CNTN1: variants seen among roughly 807,000 people sequenced by gnomAD.
CNTN1 encodes the protein contactin-1.
Under a neutral mutation model 126.4 loss-of-function variants are expected in CNTN1, and 38 were observed. The observed-to-expected ratio is 0.30, with a 90% CI of 0.23 to 0.39. The LOEUF is 0.39. CNTN1 is among the 10% of genes least tolerant of loss of function. The pLI, the probability that CNTN1 is intolerant of heterozygous loss-of-function variation, is 1.00. For missense variants in CNTN1, 1,009 were observed against 1,248.4 expected, an observed-to-expected ratio of 0.81 and a Z score of 2.89; for synonymous variants, 413 against 422.6, an observed-to-expected ratio of 0.98 and a Z score of 0.28.
In CNTN1 at chr12:41,044,754, G is replaced by A. The variant is rs917384553; in HGVS notation, c.2980+15535G>A. 2.0e-5 allele frequency among the ~76,000 whole-genome samples: 3 copies of A among 152,160 alleles called. No individual in the cohort carries two copies. The East Asian group carries it at 5.8e-4, about 29-fold the overall frequency. On this transcript the variant is annotated intron_variant, in intron 23 of 23. Transcript: ENST00000551295. ...GAAATTAAAGAAATTAATCATTTTT[G>A]GAGAATGTAATTATAGTGAAGAATT...
chr12:40,910,229 A>G, intron 3 of CNTN1, 124 bp downstream of exon 3: 1 of 733,980 alleles, frequency 1.4e-6, no homozygotes, highest in Non-Finnish European at 2.3e-6. Flanking sequence ...TCACTATGAA[A>G]TTTTGTAAGG....
At position 41,029,149 on chromosome 12, in the gene CNTN1, A is replaced by G. The variant is rs151317975; in HGVS notation, c.2910A>G (p.Gly970=). 1 of 1,614,112 alleles carries G rather than the reference A, an allele frequency of 6.2e-7. No homozygotes were observed. The highest frequency in any genetic ancestry group is 2.2e-5 in the East Asian group (1 of 44,872). Residue 970 remains glycine, a synonymous_variant, in exon 23 of 24, where the codon GGA becomes GGG. Transcript: ENST00000551295. ...TAGAAGTCCCAATCCCCAGAGATGG[A>G]GAATACGTTGTGGAGGTTCGCGCGC... ...HSIEVPIPRD[G]EYVVEVRAHS... is the part of the protein sequence containing the mutation.
intron 16 of CNTN1, among the ~76,000 whole-genome samples, chr12:40,981,607 T>C (rs1344262163): frequency 6.6e-6 from 1 of 152,120 alleles, no homozygotes; most frequent in Non-Finnish European, 1.5e-5. Context: ...TTTCTTTTCT[T>C]ATATTAAGAT....
chr12:41,045,135 T>A (rs1949512824), intron 23 of CNTN1, among the ~76,000 whole-genome samples: 1 of 152,054 alleles, frequency 6.6e-6, no homozygotes, highest in Non-Finnish European at 1.5e-5. Flanking sequence ...ATTGAAAACA[T>A]CCTGTTCCTA....
At chr12:40,786,236 T>C (rs1458928990) in intron 1 of CNTN1, among the ~76,000 whole-genome samples, 1 of 152,186 alleles carries the variant, frequency 6.6e-6, no homozygotes, top group African/African-American at 2.4e-5. Context: ...CTTGTGCTGC[T>C]CTAGGTTGAA....
intron 23 of CNTN1, among the ~76,000 whole-genome samples, chr12:41,044,303 T>C (rs1187158979): frequency 6.6e-6 from 1 of 152,058 alleles, no homozygotes; most frequent in African/African-American, 2.4e-5. Context: ...ATTAAAACAA[T>C]TTATGATGCT....
chr12:40,724,887 G>A (rs1338107838), intron 1 of CNTN1, among the ~76,000 whole-genome samples: 1 of 152,128 alleles, frequency 6.6e-6, no homozygotes, highest in African/African-American at 2.4e-5. Flanking sequence ...TTTAAAACCT[G>A]AAAGAAAATA....
intron 1 of CNTN1, among the ~76,000 whole-genome samples, chr12:40,844,090 C>T (rs184095057): frequency 0.027 from 702 of 26,350 alleles, 9 homozygotes; most frequent in African/African-American, 0.06. Context: ...TTTTTTGAGA[C>T]GGAGTCTCAC....
chr12:41,041,154 T>G (rs368277700), intron 23 of CNTN1, among the ~76,000 whole-genome samples: 3 of 151,610 alleles, frequency 2.0e-5, no homozygotes, highest in African/African-American at 4.9e-5. Context: ...AAGGCCTTTT[T>G]TGCATCTATT....
chr12:40,771,070 T>C (rs1159959349), intron 1 of CNTN1, among the ~76,000 whole-genome samples: 7 of 152,106 alleles, frequency 4.6e-5, no homozygotes, highest in Non-Finnish European at 1.0e-4. Flanking sequence ...TCTGTCCATG[T>C]ACTAAAGAAG....
chr12:40,749,003 T>C (rs1412029075), intron 1 of CNTN1, among the ~76,000 whole-genome samples: 1 of 152,112 alleles, frequency 6.6e-6, no homozygotes, highest in African/African-American at 2.4e-5. Flanking sequence ...CCTGGTTTTA[T>C]ACCACAGTAT....
intron 15 of CNTN1, chr12:40,972,611 A>T (rs773304435): frequency 2.3e-4 from 200 of 856,908 alleles, no homozygotes; most frequent in Non-Finnish European, 2.7e-4. Context: ...AAAGAAATAA[A>T]TGTCTCTGGC....
rs540579834 is a variant in CNTN1, at chr12:40,811,591, TTGTC to T, written c.-76-96762_-76-96759del. Among the ~76,000 whole-genome samples, 188 of 152,244 alleles carry T rather than the reference TTGTC, an allele frequency of 1.2e-3. 2 individuals carry two copies. Among genetic ancestry groups the T allele is most frequent in the African/African-American group, 4.3e-3 (177 of 41,558 alleles). On this transcript the variant is annotated intron_variant, in intron 1 of 23. Coordinates refer to ENST00000551295, the MANE Select transcript of CNTN1 (RefSeq NM_001843.4). ...ACTGATTAGATTGCCTTACTTGTAT[TTGTC>T]TGTTTAGATTTTCTATTTCATAATT...
intron 1 of CNTN1, among the ~76,000 whole-genome samples, chr12:40,776,107 T>C (rs1939567185): frequency 6.6e-6 from 1 of 151,638 alleles, no homozygotes; most frequent in African/African-American, 2.4e-5. Flanking sequence ...GCACTGATAT[T>C]TCTCTATTAT....
chr12:40,783,401 T>G (rs1030893316), intron 1 of CNTN1, among the ~76,000 whole-genome samples: 1 of 152,052 alleles, frequency 6.6e-6, no homozygotes, highest in Non-Finnish European at 1.5e-5. Flanking sequence ...CTCAAAAATC[T>G]CAAAAGATTT....
At chr12:40,802,031 A>G (rs1940677575) in intron 1 of CNTN1, among the ~76,000 whole-genome samples, 1 of 151,962 alleles carries the variant, frequency 6.6e-6, no homozygotes, top group African/African-American at 2.4e-5. Context: ...AGCTGTAGGC[A>G]TCAAACATGA....
intron 16 of CNTN1, among the ~76,000 whole-genome samples, chr12:40,992,688 G>A (rs949347458): frequency 6.6e-6 from 1 of 152,094 alleles, no homozygotes; most frequent in African/African-American, 2.4e-5. Flanking sequence ...TTTCTACCTA[G>A]TTATAAATCG....
intron 1 of CNTN1, among the ~76,000 whole-genome samples, chr12:40,757,634 G>A (rs926584667): frequency 2.6e-5 from 4 of 152,096 alleles, no homozygotes; most frequent in African/African-American, 9.7e-5. Context: ...GTTTTGCTCA[G>A]CCAATGACAA....
At chr12:40,880,825 C>T (rs1943846286) in intron 1 of CNTN1, among the ~76,000 whole-genome samples, 3 of 151,868 alleles carry the variant, frequency 2.0e-5, no homozygotes, top group African/African-American at 4.8e-5. Flanking sequence ...GGCTCCATGA[C>T]ACTTTTTTTT....
Sources: gnomAD v4.1 joint callset for allele counts (sites outside exome capture counted in the v4.1 genomes callset) on GRCh38, gnomAD v4.1.1 for gene constraint, MANE v1.5 for transcripts, NCBI Gene and HGNC (gene_info 2026-07-23, HGNC 2026-07-21) for gene names.